The following EPAS1 variants were observed in gnomAD, a reference collection of about 807,000 sequenced individuals.
The protein encoded by EPAS1 is endothelial PAS domain-containing protein 1.
Under a neutral mutation model 87.9 loss-of-function variants are expected in EPAS1, and 23 were observed. The observed-to-expected ratio is 0.26, with a 90% confidence interval of 0.19 to 0.37. EPAS1 has a LOEUF of 0.37. EPAS1 is among the 10% of genes least tolerant of loss of function. The pLI is 1.00. For missense variants in EPAS1, 1,138 were observed against 1,120.7 expected (o/e 1.02, Z -0.22); for synonymous variants, 508 against 444.3 (o/e 1.14, Z -1.80).
At chr2:46,318,973 G>A (rs1683401284) in intron 1 of EPAS1, among the ~76,000 whole-genome samples, 1 of 152,130 alleles carries the variant, frequency 6.6e-6, no homozygotes, top group African/African-American at 2.4e-5. Flanking sequence ...TCATTGACAT[G>A]TCCAGGCTCA....
Position 46,384,713 on chromosome 2 carries a change from ACTCT to A in EPAS1, c.*57_*60del, listed in dbSNP as rs1467916181. 1 of 1,598,946 alleles carries A rather than the reference ACTCT, an allele frequency of 6.3e-7. No homozygotes were observed. The highest frequency in any genetic ancestry group is 8.5e-7 in the Non-Finnish European group (1 of 1,174,624). On this transcript the variant is annotated 3_prime_UTR_variant, in exon 16 of 16. Transcript: ENST00000263734. The stretch of plus-strand genomic sequence containing the variant: ...CTGCCGACGCCGTCCCACCAGCTTC[ACTCT>A]CTCCGTCTGTTTTTGCAACTAGGTA...
At chr2:46,326,835 T>A (rs1485904934) in intron 1 of EPAS1, among the ~76,000 whole-genome samples, 4 of 152,058 alleles carry the variant, frequency 2.6e-5, no homozygotes, top group Admixed American at 2.6e-4. Context: ...GGAAAATGGT[T>A]CTAGGGGTTT....
chr2:46,381,437 G>T (rs779932928), intron 12 of EPAS1, 159 bp from the exon 13 acceptor site: 1 of 1,130,934 alleles, frequency 8.8e-7, no homozygotes. Context: ...GCTCGAGCTC[G>T]GCCTGCAGGT....
In EPAS1 at chr2:46,347,382, C is replaced by G; in HGVS notation, c.217+319C>G. ...GACTTCTCAATTTGTTGCCATCTGG[C>G]CATAAGACCCATCCTCCACACTAGA... On this transcript the variant is annotated intron_variant, in intron 2 of 15. Transcript: ENST00000263734. The surrounding 1 kb of genome is among the most constrained non-coding windows in gnomAD (Gnocchi z 4.2). 5 of 432,882 alleles carry G rather than the reference C, an allele frequency of 1.2e-5. No homozygotes were observed. The highest frequency in any genetic ancestry group is 1.1e-4 in the South Asian group (5 of 47,234). 26.8% of individuals were successfully genotyped at this position (432,882 alleles called of 1,614,324 possible). A position where few individuals can be genotyped will look rare whatever the true frequency, so the allele number is the denominator to read the frequency against.
At chr2:46,378,526 T>A (rs894210000) in intron 10 of EPAS1, 131 bp from the exon 11 acceptor site, 6 of 774,774 alleles carry the variant, frequency 7.7e-6, no homozygotes, top group Non-Finnish European at 1.3e-5. Flanking sequence ...TAGCAGCCCC[T>A]CTACAAATAG....
In EPAS1 at chr2:46,347,259, C is replaced by A. The variant is rs1001490524; in HGVS notation, c.217+196C>A. 1 of 675,364 alleles carries A rather than the reference C, an allele frequency of 1.5e-6. No individual in the cohort carries two copies. Among genetic ancestry groups the A allele is most frequent in the East Asian group, 2.8e-5 (1 of 36,298 alleles). 41.8% of individuals were successfully genotyped at this position (675,364 alleles called of 1,614,324 possible). A position where few individuals can be genotyped will look rare whatever the true frequency, so the allele number is the denominator to read the frequency against. On this transcript the variant is annotated intron_variant, in intron 2 of 15. Coordinates refer to ENST00000263734, the MANE Select transcript of EPAS1 (RefSeq NM_001430.5). This position sits in a 1 kb window ranked among gnomAD's most constrained non-coding sequence, Gnocchi z 4.2. Reference sequence around the variant, plus strand: ...CCAGCAGTGACCTTTACCGTGAATCCAGCTGTGAGAGGAGGGCAGGGACAG... The same window carrying A: ...CCAGCAGTGACCTTTACCGTGAATCAAGCTGTGAGAGGAGGGCAGGGACAG...
chr2:46,310,159 T>G (rs879752213), intron 1 of EPAS1, among the ~76,000 whole-genome samples: 12 of 152,000 alleles, frequency 7.9e-5, no homozygotes, highest in Admixed American at 7.9e-4. Context: ...GACAGCTTGC[T>G]GTATCCTAAA....
chr2:46,324,761 G>T (rs1382099141), intron 1 of EPAS1, among the ~76,000 whole-genome samples: 6 of 152,248 alleles, frequency 3.9e-5, no homozygotes, highest in African/African-American at 1.4e-4. Context: ...CCTTATAAAA[G>T]GCTTAACAGG....
chr2:46,346,273 G>A lies in EPAS1; in HGVS notation c.27-600G>A, dbSNP rs1218798921. Among the ~76,000 whole-genome samples, 7 of 152,292 alleles carry A rather than the reference G, an allele frequency of 4.6e-5. No individual in the cohort carries two copies. Among genetic ancestry groups the A allele is most frequent in the African/African-American group, 9.6e-5 (4 of 41,552 alleles). ...ACTCCTTTTTAATCCTTGACAGAAC[G>A]CACGTTGGTACTCTAGACTGTTGGG... On this transcript the variant is annotated intron_variant, in intron 1 of 15. Transcript: ENST00000263734. This position sits in a 1 kb window ranked among gnomAD's most constrained non-coding sequence, Gnocchi z 4.0.
intron 1 of EPAS1, among the ~76,000 whole-genome samples, chr2:46,345,519 T>C (rs1233582271): frequency 6.6e-6 from 1 of 152,140 alleles, no homozygotes; most frequent in East Asian, 1.9e-4. Context: ...CCCATTTACC[T>C]GCTGGAGGCC....
At chr2:46,298,788 C>G (rs1282944647) in intron 1 of EPAS1, among the ~76,000 whole-genome samples, 1 of 152,218 alleles carries the variant, frequency 6.6e-6, no homozygotes, top group African/African-American at 2.4e-5. Context: ...CGCTCCCAGT[C>G]CAGCCGGGCC....
intron 1 of EPAS1, among the ~76,000 whole-genome samples, chr2:46,345,452 T>C (rs1269627022): frequency 6.6e-6 from 1 of 152,096 alleles, no homozygotes; most frequent in South Asian, 2.1e-4. Context: ...AGGACAGTCA[T>C]TGGTGGTTAA....
chr2:46,374,265 G>A, intron 7 of EPAS1, among the ~76,000 whole-genome samples: 1 of 152,148 alleles, frequency 6.6e-6, no homozygotes, highest in Non-Finnish European at 1.5e-5. Context: ...GGAGAACCGG[G>A]GAGACTCTCT....
chr2:46,374,547 A>C (rs559353302), intron 7 of EPAS1, among the ~76,000 whole-genome samples: 1 of 152,246 alleles, frequency 6.6e-6, no homozygotes, highest in South Asian at 2.1e-4. Context: ...TATTATTATC[A>C]ATATCCTGTT....
rs2103683211 is a variant in EPAS1 at position 46,384,860 on chromosome 2, A to T, written c.*200A>T. ...TATTATCCCTATTTTTAAAGTACAC[A>T]ATTGTTTTACCTGTTCTGAAATGTT... On this transcript the variant is annotated 3_prime_UTR_variant, in exon 16 of 16. Transcript: ENST00000263734. 1 of 661,592 alleles carries T rather than the reference A, an allele frequency of 1.5e-6. No individual in the cohort carries two copies. Among genetic ancestry groups the T allele is most frequent in the East Asian group, 2.8e-5 (1 of 35,916 alleles). 41.0% of individuals were successfully genotyped at this position (661,592 alleles called of 1,614,324 possible). A position where few individuals can be genotyped will look rare whatever the true frequency, so the allele number is the denominator to read the frequency against.
chr2:46,363,862 T>TTTTA (rs1350525661), intron 6 of EPAS1, among the ~76,000 whole-genome samples: 1 of 152,210 alleles, frequency 6.6e-6, no homozygotes, highest in African/African-American at 2.4e-5. Flanking sequence ...GTAGAAGCAT[T>TTTTA]TAAAGACATA....
At chr2:46,334,893 G>A (rs1054588005) in intron 1 of EPAS1, among the ~76,000 whole-genome samples, 11 of 152,190 alleles carry the variant, frequency 7.2e-5, no homozygotes, top group African/African-American at 2.7e-4. Flanking sequence ...CAGAGCAAGA[G>A]AGGGCAGAAT....
In EPAS1 at chr2:46,326,135, G is replaced by C. The variant is rs1046923296; in HGVS notation, c.27-20738G>C. On this transcript the variant is annotated intron_variant, in intron 1 of 15. Transcript: ENST00000263734. ...ATCAGTTGCCCCTGGGGATAGCCTA[G>C]TTCTCCCTCCTGTGTGAATTTGGGA... 5.9e-5 allele frequency among the ~76,000 whole-genome samples: 9 copies of C among 152,318 alleles called. No individual in the cohort carries two copies. The South Asian group carries it at 6.2e-4, about 11-fold the overall frequency.
rs577315425 is a variant in EPAS1, at chr2:46,381,427, G to C, written c.2046-169G>C. ...TCTTATAGCTGAGGAAGGAGACAGA[G>C]CTCGAGCTCGGCCTGCAGGTGCACA... On this transcript the variant is annotated intron_variant, in intron 12 of 15. Transcript: ENST00000263734. 26 of 1,013,226 alleles carry C rather than the reference G, an allele frequency of 2.6e-5. No homozygotes were observed. In the African/African-American group the frequency reaches 4.0e-4, roughly 15 times the overall value. The allele number at this position is 1,013,226 out of a possible 1,614,324, so 62.8% of individuals were successfully genotyped here. A position where few individuals can be genotyped will look rare whatever the true frequency, so the allele number is the denominator to read the frequency against.
Sources: allele counts gnomAD v4.1 joint callset (sites outside exome capture counted in the v4.1 genomes callset), GRCh38; gene constraint gnomAD v4.1.1; non-coding constraint Gnocchi (gnomAD v3.1); transcripts MANE v1.5; gene names NCBI Gene and HGNC (gene_info 2026-07-23, HGNC 2026-07-21).